MARCHF1: variants seen among roughly 807,000 people sequenced by gnomAD.
MARCHF1 encodes E3 ubiquitin-protein ligase MARCHF1.
Under a neutral mutation model 54.2 loss-of-function variants are expected in MARCHF1, and 40 were observed. That is an observed-to-expected ratio of 0.74 (90% confidence interval 0.57 to 0.96). The LOEUF is 0.96. Ranked by LOEUF, MARCHF1 falls within the 40% of genes least tolerant of loss-of-function variation. MARCHF1 has a pLI of 0.00. For synonymous variants in MARCHF1, 236 were observed against 236.3 expected, an observed-to-expected ratio of 1.00 and a Z score of 0.01; for missense variants, 586 against 656.5, an observed-to-expected ratio of 0.89 and a Z score of 1.17.
At chr4:163,997,401 G>A (rs899202133) in intron 2 of MARCHF1, among the ~76,000 whole-genome samples, 1 of 151,974 alleles carries the variant, frequency 6.6e-6, no homozygotes, top group Non-Finnish European at 1.5e-5. Context: ...GTCCATCTGA[G>A]TCAGTATAAG....
intron 3 of MARCHF1, among the ~76,000 whole-genome samples, chr4:163,973,393 G>T (rs1371671592): frequency 6.6e-6 from 1 of 152,182 alleles, no homozygotes; most frequent in Non-Finnish European, 1.5e-5. Flanking sequence ...CAACAGAAAT[G>T]GTTGGGCTAC....
intron 4 of MARCHF1, among the ~76,000 whole-genome samples, chr4:163,726,972 T>C (rs1032155142): frequency 6.6e-6 from 1 of 152,196 alleles, no homozygotes; most frequent in East Asian, 1.9e-4. Context: ...TAACAGTCCT[T>C]TACTACTAGT....
chr4:164,120,529 AC>A (rs1167867607), intron 1 of MARCHF1, among the ~76,000 whole-genome samples: 1 of 152,168 alleles, frequency 6.6e-6, no homozygotes, highest in Non-Finnish European at 1.5e-5. Context: ...ACTGCAGAAT[AC>A]ACATTCTTTT....
chr4:164,260,039 G>A (rs534561086), intron 1 of MARCHF1, among the ~76,000 whole-genome samples: 3 of 152,138 alleles, frequency 2.0e-5, no homozygotes, highest in South Asian at 2.1e-4. Flanking sequence ...ACATATAACC[G>A]GGGTGAGAAT....
At position 164,094,092 on chromosome 4, in the gene MARCHF1, A is replaced by G. The variant is rs112001072; in HGVS notation, c.-248+17496T>C. Among the ~76,000 whole-genome samples, 523 of 152,270 alleles carry G rather than the reference A, an allele frequency of 3.4e-3. 6 individuals carry two copies. The highest frequency in any genetic ancestry group is 0.012 in the African/African-American group (485 of 41,574). On this transcript the variant is annotated intron_variant, in intron 2 of 9. Coordinates refer to ENST00000514618, the MANE Select transcript of MARCHF1 (RefSeq NM_001394959.1). Reference sequence around the variant, plus strand: ...TATGTAACATAGAAAGCTTTATTTCAGATCAACATTTGTTTGGGTCTGTCT... The same window carrying G: ...TATGTAACATAGAAAGCTTTATTTCGGATCAACATTTGTTTGGGTCTGTCT...
chr4:163,921,417 T>C (rs1751427754), intron 3 of MARCHF1, among the ~76,000 whole-genome samples: 1 of 152,172 alleles, frequency 6.6e-6, no homozygotes, highest in African/African-American at 2.4e-5. Flanking sequence ...TATATTCATA[T>C]TACATGTTTG....
intron 4 of MARCHF1, among the ~76,000 whole-genome samples, chr4:163,750,513 A>AAAAT (rs34968782): frequency 0.28 from 39,303 of 142,676 alleles, 5,661 homozygotes; most frequent in East Asian, 0.36. Context: ...TCTGTCTCAA[A>AAAAT]AAATAAATAA....
At chr4:163,956,428 C>A (rs1190920803) in intron 3 of MARCHF1, among the ~76,000 whole-genome samples, 1 of 152,096 alleles carries the variant, frequency 6.6e-6, no homozygotes, top group Non-Finnish European at 1.5e-5. Flanking sequence ...ACAAAGGAAG[C>A]CAGTACTGTT....
chr4:164,016,664 T>A (rs1031301556), intron 2 of MARCHF1, among the ~76,000 whole-genome samples: 1 of 152,028 alleles, frequency 6.6e-6, no homozygotes, highest in Non-Finnish European at 1.5e-5. Context: ...GGAAGGATGC[T>A]GTGGAGGGGA....
intron 4 of MARCHF1, among the ~76,000 whole-genome samples, chr4:163,835,190 T>C (rs1453789328): frequency 1.3e-5 from 2 of 152,202 alleles, no homozygotes; most frequent in Admixed American, 1.3e-4. Flanking sequence ...GCCATGTAAC[T>C]ATTTATATTA....
At chr4:163,596,343 C>T (rs565570045) in intron 7 of MARCHF1, among the ~76,000 whole-genome samples, 2 of 152,010 alleles carry the variant, frequency 1.3e-5, no homozygotes, top group Middle Eastern at 3.4e-3. Context: ...AGATTAAGAC[C>T]AGCCTGGCCA....
chr4:164,335,685 C>A (rs932287628), intron 1 of MARCHF1, among the ~76,000 whole-genome samples: 14 of 128,562 alleles, frequency 1.1e-4, no homozygotes, highest in African/African-American at 3.8e-4. Context: ...GACCCTCCAG[C>A]CACAAAGAGA....
intron 2 of MARCHF1, among the ~76,000 whole-genome samples, chr4:164,052,403 G>T (rs978162675): frequency 3.9e-5 from 6 of 151,944 alleles, no homozygotes; most frequent in Non-Finnish European, 8.8e-5. Context: ...GTGGTGGCAG[G>T]TGCCTGTAAT....
intron 4 of MARCHF1, among the ~76,000 whole-genome samples, chr4:163,846,776 G>T (rs997875346): frequency 1.3e-5 from 2 of 151,882 alleles, no homozygotes; most frequent in African/African-American, 4.8e-5. Flanking sequence ...AGCAGAAAAG[G>T]TTTAATATAC....
chr4:164,197,126 C>G, intron 1 of MARCHF1: 2 of 1,606,388 alleles, frequency 1.2e-6, no homozygotes, highest in Non-Finnish European at 1.7e-6. Context: ...ACGTCCTCCT[C>G]TTCACCTTCC....
At chr4:164,125,319 T>C (rs1342864165) in intron 1 of MARCHF1, among the ~76,000 whole-genome samples, 2 of 152,110 alleles carry the variant, frequency 1.3e-5, no homozygotes, top group Admixed American at 6.6e-5. Flanking sequence ...TAGGACTCAA[T>C]GAATAAATAC....
chr4:163,958,654 T>C (rs1021563345), intron 3 of MARCHF1, among the ~76,000 whole-genome samples: 1 of 151,986 alleles, frequency 6.6e-6, no homozygotes, highest in African/African-American at 2.4e-5. Flanking sequence ...AATATTGTAT[T>C]CATTCTATTT....
At chr4:163,795,218 T>A (rs1747879342) in intron 4 of MARCHF1, among the ~76,000 whole-genome samples, 1 of 152,148 alleles carries the variant, frequency 6.6e-6, no homozygotes, top group African/African-American at 2.4e-5. Context: ...TTCCCAGACA[T>A]CTTAATGGTA....
intron 5 of MARCHF1, among the ~76,000 whole-genome samples, chr4:163,693,566 CA>C (rs1161888307): frequency 6.6e-6 from 1 of 151,310 alleles, no homozygotes; most frequent in Non-Finnish European, 1.5e-5. Flanking sequence ...GGCTCTCTGT[CA>C]AATCTGAATG....
Sources: allele counts gnomAD v4.1 joint callset (sites outside exome capture counted in the v4.1 genomes callset), GRCh38; gene constraint gnomAD v4.1.1; transcripts MANE v1.5; gene names NCBI Gene and HGNC (gene_info 2026-07-23, HGNC 2026-07-21).